The following PATJ variants were observed in gnomAD, a reference collection of about 807,000 sequenced individuals.
PATJ encodes inaD-like protein.
PATJ carries 190 observed loss-of-function variants against 224.9 expected under a neutral mutation model. The observed-to-expected ratio is 0.84, with a 90% CI of 0.75 to 0.95. The LOEUF is 0.95. PATJ is among the 40% of genes least tolerant of loss of function. The pLI, the probability that PATJ is intolerant of heterozygous loss-of-function variation, is 0.00. For missense variants in PATJ, 2,121 were observed against 2,270.3 expected, an observed-to-expected ratio of 0.93 and a Z score of 1.34; for synonymous variants, 769 against 820.3, an observed-to-expected ratio of 0.94 and a Z score of 1.07.
At chr1:61,949,981 C>T (rs1679384371) in intron 27 of PATJ, among the ~76,000 whole-genome samples, 1 of 152,162 alleles carries the variant, frequency 6.6e-6, no homozygotes, top group African/African-American at 2.4e-5. Flanking sequence ...AGGCGGATTA[C>T]TTGAGGTCAA....
chr1:61,857,591 G>T (rs778784604), intron 18 of PATJ, among the ~76,000 whole-genome samples: 1 of 152,188 alleles, frequency 6.6e-6, no homozygotes, highest in East Asian at 1.9e-4. Context: ...TAGAAACCTG[G>T]GCTCTGCCCC....
At position 62,114,176 on chromosome 1, in the gene PATJ, T is replaced by C. The variant is rs773356245; in HGVS notation, c.4585T>C (p.Leu1529=). ...GGCACACTACCGGGATGAGGAGAAC[T>C]TGGAGATTTTCCCTGTGGATCTGCA... The part of the protein sequence containing the change: ...DEAHYRDEEN[L]EIFPVDLQKK... The change falls in exon 35 of 44, where the codon TTG becomes CTG. Residue 1529 remains leucine (L), a synonymous_variant. Transcript: ENST00000642238. The C allele has an allele frequency of 6.2e-7, 1 of 1,614,030 alleles. No homozygotes were observed. Among genetic ancestry groups the C allele is most frequent in the African/African-American group, 1.3e-5 (1 of 74,998 alleles).
intron 14 of PATJ, among the ~76,000 whole-genome samples, chr1:61,811,355 G>A (rs543752393): frequency 6.4e-4 from 97 of 151,886 alleles, no homozygotes; most frequent in African/African-American, 2.3e-3. Flanking sequence ...CAGCCTCCCA[G>A]GTAGCTGGGA....
At chr1:62,041,926 G>A (rs1558082910) in intron 30 of PATJ, among the ~76,000 whole-genome samples, 1 of 152,098 alleles carries the variant, frequency 6.6e-6, no homozygotes, top group Non-Finnish European at 1.5e-5. Flanking sequence ...GGCGGAGCTT[G>A]CAGTGAGCCG....
chr1:62,136,045 G>A (rs1310971077), intron 41 of PATJ, among the ~76,000 whole-genome samples: 1 of 8,832 alleles, frequency 1.1e-4, no homozygotes, highest in Non-Finnish European at 2.9e-4. Flanking sequence ...TTTTTTTTTT[G>A]AGACAGAGTT....
chr1:61,982,802 G>A (rs1644522656), intron 27 of PATJ, among the ~76,000 whole-genome samples: 1 of 151,910 alleles, frequency 6.6e-6, no homozygotes, highest in African/African-American at 2.4e-5. Context: ...TGGCAACAAA[G>A]GATGGGTTCT....
In PATJ at chr1:62,052,669, G is replaced by T. The variant is rs150683545; in HGVS notation, c.4125+1611G>T. Among the ~76,000 whole-genome samples the T allele has an allele frequency of 4.5e-3, 687 of 151,844 alleles. 5 individuals carry two copies. The highest frequency in any genetic ancestry group is 0.016 in the African/African-American group (656 of 41,412). On this transcript the variant is annotated intron_variant, in intron 31 of 43. Coordinates refer to ENST00000642238, the MANE Select transcript of PATJ (RefSeq NM_001350145.3). ...AGGCAGGAGAATCGCTTGAACCCAG[G>T]GGGAGGCAGAGGTTGCGGTGAGCCA...
At chr1:61,881,405 TTA>T (rs1461954155) in intron 21 of PATJ, among the ~76,000 whole-genome samples, 7 of 93,184 alleles carry the variant, frequency 7.5e-5, no homozygotes, top group South Asian at 6.7e-4. Context: ...GTTAAAACAG[TTA>T]TTTTTTTTTT....
At chr1:62,109,545 TAGAAAAATAAGCA>T (rs1663543814) in intron 34 of PATJ, among the ~76,000 whole-genome samples, 1 of 152,212 alleles carries the variant, frequency 6.6e-6, no homozygotes, top group Admixed American at 6.5e-5. Context: ...TGTATGAGGT[TAGAAAAATAAGCA>T]AGACCTCTCT....
intron 33 of PATJ, among the ~76,000 whole-genome samples, chr1:62,087,742 G>A (rs1297259921): frequency 6.6e-6 from 1 of 151,362 alleles, no homozygotes; most frequent in Non-Finnish European, 1.5e-5. Flanking sequence ...CTTGATAAAA[G>A]TACTGTTAAC....
chr1:61,901,610 C>A, intron 24 of PATJ, 151 bp downstream of exon 24: 1 of 559,088 alleles, frequency 1.8e-6, no homozygotes, highest in Admixed American at 4.2e-5. Context: ...ACATTGTATG[C>A]ACAATTTATG....
intron 17 of PATJ, among the ~76,000 whole-genome samples, chr1:61,854,715 G>A (rs566479143): frequency 6.8e-4 from 103 of 152,298 alleles, no homozygotes; most frequent in Non-Finnish European, 7.3e-4. Flanking sequence ...ACATCCTGGA[G>A]ATGTAAGGAT....
At chr1:61,903,807 C>G (rs1401632462) in intron 24 of PATJ, among the ~76,000 whole-genome samples, 2 of 142,358 alleles carry the variant, frequency 1.4e-5, no homozygotes, top group Admixed American at 7.2e-5. Context: ...GAGTCTCTCT[C>G]TGTCACCCAG....
At chr1:61,810,930 C>T (rs1374213972) in intron 14 of PATJ, among the ~76,000 whole-genome samples, 1 of 151,820 alleles carries the variant, frequency 6.6e-6, no homozygotes, top group Non-Finnish European at 1.5e-5. Flanking sequence ...GTCTCAAAGA[C>T]AAACACCTCA....
chr1:62,038,840 G>C (rs538491381), intron 30 of PATJ: 271 of 708,392 alleles, frequency 3.8e-4, no homozygotes, highest in Non-Finnish European at 6.1e-4. Context: ...ACGGTGGGTG[G>C]GATGGAGGCG....
intron 30 of PATJ, among the ~76,000 whole-genome samples, chr1:62,045,673 C>G (rs1289692597): frequency 6.6e-6 from 1 of 152,122 alleles, no homozygotes; most frequent in East Asian, 1.9e-4. Flanking sequence ...CAGCAAGAGA[C>G]GACAGGAACA....
chr1:61,803,659 A>C (rs1652991459), intron 12 of PATJ, among the ~76,000 whole-genome samples: 1 of 152,204 alleles, frequency 6.6e-6, no homozygotes, highest in Non-Finnish European at 1.5e-5. Flanking sequence ...TTATATATGC[A>C]AAAATTAAAA....
intron 28 of PATJ, among the ~76,000 whole-genome samples, chr1:62,013,777 T>TC (rs1011975006): frequency 6.6e-6 from 1 of 151,978 alleles, no homozygotes; most frequent in Non-Finnish European, 1.5e-5. Flanking sequence ...ATTCCAAACG[T>TC]CATTTGTTTT....
chr1:61,812,447 T>A (rs1456160922), intron 14 of PATJ, among the ~76,000 whole-genome samples: 3 of 138,116 alleles, frequency 2.2e-5, no homozygotes, highest in South Asian at 2.4e-4. Flanking sequence ...TGTGTGTGTG[T>A]GTGTGTGTGT....
Sources: gnomAD v4.1 joint callset for allele counts (sites outside exome capture counted in the v4.1 genomes callset) on GRCh38, gnomAD v4.1.1 for gene constraint, MANE v1.5 for transcripts, NCBI Gene and HGNC (gene_info 2026-07-23, HGNC 2026-07-21) for gene names.